FHL2: variants seen among roughly 807,000 people sequenced by gnomAD.
The protein encoded by FHL2 is four and a half LIM domains protein 2.
FHL2 carries 20 observed loss-of-function variants against 32.7 expected under a neutral mutation model. The ratio of observed to expected loss-of-function variants is 0.61; its 90% confidence interval spans 0.43 to 0.89. The LOEUF is 0.89. Ranked by LOEUF, FHL2 falls within the 40% of genes least tolerant of loss-of-function variation. The probability of loss-of-function intolerance (pLI) is 0.00; values close to 1 mark genes in which losing one functional copy is unlikely to be tolerated. For missense variants in FHL2, 311 were observed against 358.6 expected (o/e 0.87, Z 1.07); for synonymous variants, 123 against 128.1 (o/e 0.96, Z 0.27).
intron 1 of FHL2, among the ~76,000 whole-genome samples, chr2:105,437,853 C>T (rs1684658230): frequency 6.6e-6 from 1 of 152,162 alleles, no homozygotes; most frequent in South Asian, 2.1e-4. Context: ...GCTCTCTGGG[C>T]TTTCAAACCA....
intron 2 of FHL2, among the ~76,000 whole-genome samples, chr2:105,387,960 A>G (rs1281088409): frequency 6.6e-6 from 1 of 152,230 alleles, no homozygotes; most frequent in Non-Finnish European, 1.5e-5. Context: ...TTGCAGGAAC[A>G]CGGATGGAGC....
intron 3 of FHL2, among the ~76,000 whole-genome samples, chr2:105,381,833 G>T (rs1681915233): frequency 6.6e-6 from 1 of 152,136 alleles, no homozygotes; most frequent in Non-Finnish European, 1.5e-5. Flanking sequence ...AAAAGCACCA[G>T]GTTGGCAGGC....
At chr2:105,386,328 C>T (rs770658271) in intron 3 of FHL2, 33 bp downstream of exon 3, 4 of 1,606,392 alleles carry the variant, frequency 2.5e-6, no homozygotes, top group South Asian at 1.1e-5. Flanking sequence ...CCTAGGGGAG[C>T]GCCGGGGACC....
intron 1 of FHL2, among the ~76,000 whole-genome samples, chr2:105,428,075 G>C (rs550579015): frequency 4.6e-4 from 70 of 152,346 alleles, no homozygotes; most frequent in Non-Finnish European, 8.7e-4. Flanking sequence ...CTGGGTACCA[G>C]GTAAGTAATC....
At chr2:105,419,064 T>C (rs577109761) in intron 1 of FHL2, among the ~76,000 whole-genome samples, 1 of 152,324 alleles carries the variant, frequency 6.6e-6, no homozygotes, top group South Asian at 2.1e-4. Context: ...CTTTAGTATA[T>C]GTCTGTCCAC....
At chr2:105,390,358 T>C (rs1317417847) in intron 2 of FHL2, 1 of 152,422 alleles carries the variant, frequency 6.6e-6, no homozygotes, top group Non-Finnish European at 1.5e-5. Flanking sequence ...ATGATGAATA[T>C]CATTATCAGT....
At chr2:105,398,780 G>C (rs888531694) in intron 1 of FHL2, 62 bp downstream of exon 1, 1 of 1,236,750 alleles carries the variant, frequency 8.1e-7, no homozygotes, top group Non-Finnish European at 1.1e-6. Flanking sequence ...GCTTCTCCCC[G>C]CACGGTTCGG....
intron 2 of FHL2, among the ~76,000 whole-genome samples, chr2:105,391,257 C>G (rs1682709746): frequency 6.6e-6 from 1 of 152,148 alleles, no homozygotes. Context: ...GGCCCCTCCC[C>G]TCAAGGGACT....
chr2:105,435,800 T>TGAC (rs1329922867), intron 1 of FHL2, among the ~76,000 whole-genome samples: 1 of 152,104 alleles, frequency 6.6e-6, no homozygotes, highest in Admixed American at 6.6e-5. Context: ...CCAGCCTGGG[T>TGAC]GACAGAGTGA....
In FHL2 at chr2:105,398,951, G is replaced by A. The variant is rs1180281737; in HGVS notation, c.-185C>T. On this transcript the variant is annotated 5_prime_UTR_variant, in exon 1 of 7. Transcript: ENST00000530340. ...CCCCTCGGCCTCCCTCCGGGGCGCA[G>A]GGGGTTGGAGGTACTCACGGCACCG... 1.6e-5 allele frequency: 24 copies of A among 1,528,018 alleles called. No homozygotes were observed. The highest frequency in any genetic ancestry group is 2.0e-5 in the Non-Finnish European group (23 of 1,141,024). The allele number at this position is 1,528,018 out of a possible 1,614,324, so 94.7% of individuals were successfully genotyped here. A position where few individuals can be genotyped will look rare whatever the true frequency, so the allele number is the denominator to read the frequency against.
intron 3 of FHL2, among the ~76,000 whole-genome samples, chr2:105,379,091 A>G (rs1681694243): frequency 6.6e-6 from 1 of 152,186 alleles, no homozygotes; most frequent in African/African-American, 2.4e-5. Flanking sequence ...GTTCAATTCA[A>G]GGGCCCAAAT....
At chr2:105,383,832 C>T (rs1189766833) in intron 3 of FHL2, among the ~76,000 whole-genome samples, 3 of 152,224 alleles carry the variant, frequency 2.0e-5, no homozygotes, top group Non-Finnish European at 2.9e-5. Context: ...TCAAAAGCCC[C>T]AAATGCCAAG....
chr2:105,419,399 A>G (rs778439908), intron 1 of FHL2, among the ~76,000 whole-genome samples: 1 of 152,080 alleles, frequency 6.6e-6, no homozygotes, highest in Non-Finnish European at 1.5e-5. Context: ...CTATTGCATC[A>G]TTTGTATAAG....
At chr2:105,412,838 G>C (rs1246571619) in intron 1 of FHL2, among the ~76,000 whole-genome samples, 1 of 152,180 alleles carries the variant, frequency 6.6e-6, no homozygotes, top group East Asian at 1.9e-4. Flanking sequence ...CAGCACAGTG[G>C]CTGTTGGTGA....
chr2:105,381,407 T>A (rs1169678486), intron 3 of FHL2, among the ~76,000 whole-genome samples: 1 of 152,088 alleles, frequency 6.6e-6, no homozygotes, highest in Admixed American at 6.6e-5. Context: ...TGTATAGACA[T>A]GGAAACGGAG....
chr2:105,425,651 A>T (rs1257178034), intron 1 of FHL2, among the ~76,000 whole-genome samples: 2 of 152,084 alleles, frequency 1.3e-5, no homozygotes, highest in Non-Finnish European at 2.9e-5. Flanking sequence ...GGGAGACGAG[A>T]CATGTTTGCA....
chr2:105,386,350 G>A lies in FHL2; in HGVS notation c.156+11C>T, dbSNP rs371829274. The A allele has an allele frequency of 6.6e-5, 106 of 1,612,106 alleles. No individual in the cohort carries two copies. The highest frequency in any genetic ancestry group is 1.8e-4 in the Middle Eastern group (1 of 5,486). On this transcript the variant is annotated intron_variant, in intron 3 of 6. Transcript: ENST00000530340. ...GAGCGCCGGGGACCCGCAGAGGCCC[G>A]CAGCAGGTACCTTGCAGTCACAGCC...
intron 5 of FHL2, 65 bp downstream of exon 5, chr2:105,367,505 A>G: frequency 6.7e-7 from 1 of 1,492,406 alleles, no homozygotes; most frequent in Non-Finnish European, 9.1e-7. Flanking sequence ...AAGAGAACTG[A>G]CAGACATGGA....
At chr2:105,396,746 G>A (rs772187730) in intron 1 of FHL2, 49 bp from the exon 2 acceptor site, 19 of 1,565,554 alleles carry the variant, frequency 1.2e-5, no homozygotes, top group African/African-American at 1.1e-4. Flanking sequence ...TTGAGGAAGC[G>A]AACTCAGTAT....
Sources: allele counts gnomAD v4.1 joint callset (sites outside exome capture counted in the v4.1 genomes callset), GRCh38; gene constraint gnomAD v4.1.1; transcripts MANE v1.5; gene names NCBI Gene and HGNC (gene_info 2026-07-23, HGNC 2026-07-21).